The following COP1 variants were observed in gnomAD, a reference collection of about 807,000 sequenced individuals.
COP1 encodes the protein COP1 E3 ubiquitin ligase.
A neutral mutation model predicts 101.3 loss-of-function variants in COP1; 24 were observed. The ratio of observed to expected loss-of-function variants is 0.24; its 90% CI spans 0.17 to 0.33. The LOEUF (loss-of-function observed/expected upper bound fraction) is 0.33, where lower values mean the gene tolerates loss of function less well. Ranked by LOEUF, COP1 falls within the 10% of genes least tolerant of loss-of-function variation. The probability of loss-of-function intolerance (pLI) is 1.00; values close to 1 mark genes in which losing one functional copy is unlikely to be tolerated. For missense variants in COP1, 663 were observed against 906.2 expected, an observed-to-expected ratio of 0.73 and a Z score of 3.45; for synonymous variants, 347 against 341.9, an observed-to-expected ratio of 1.01 and a Z score of -0.17.
intron 15 of COP1, among the ~76,000 whole-genome samples, chr1:176,007,191 C>G (rs970943273): frequency 7.9e-5 from 12 of 152,074 alleles, no homozygotes; most frequent in African/African-American, 2.9e-4. Flanking sequence ...GTTTTCAGCT[C>G]CATCAGCTCC....
chr1:175,952,400 C>T (rs549726924), intron 18 of COP1, among the ~76,000 whole-genome samples: 3 of 132,248 alleles, frequency 2.3e-5, no homozygotes, highest in South Asian at 2.5e-4. Flanking sequence ...CCATCCTGGG[C>T]GACAAGAGCA....
At chr1:176,141,402 G>A (rs1281555181) in intron 6 of COP1, among the ~76,000 whole-genome samples, 1 of 152,150 alleles carries the variant, frequency 6.6e-6, no homozygotes, top group Non-Finnish European at 1.5e-5. Context: ...TTGGGAGGGT[G>A]AGGCAGGAGA....
chr1:176,020,286 G>A (rs543109228), intron 15 of COP1, among the ~76,000 whole-genome samples: 1 of 150,136 alleles, frequency 6.7e-6, no homozygotes, highest in East Asian at 2.0e-4. Context: ...CCTCCAGCCT[G>A]GGCGACAAAG....
intron 15 of COP1, among the ~76,000 whole-genome samples, chr1:176,006,326 T>C (rs1295003263): frequency 5.3e-5 from 8 of 152,230 alleles, no homozygotes; most frequent in Admixed American, 4.6e-4. Flanking sequence ...TGTCTTTTCA[T>C]TGGAGCATTT....
At chr1:176,169,241 G>A (rs1695661422) in intron 3 of COP1, among the ~76,000 whole-genome samples, 1 of 152,132 alleles carries the variant, frequency 6.6e-6, no homozygotes, top group Admixed American at 6.5e-5. Flanking sequence ...ACTACTTGGG[G>A]AGAAGGATAC....
chr1:176,137,282 T>G (rs1572460428), intron 6 of COP1, among the ~76,000 whole-genome samples: 2 of 152,202 alleles, frequency 1.3e-5, no homozygotes, highest in Non-Finnish European at 2.9e-5. Flanking sequence ...ATTCCCTTTC[T>G]CATTAGAGAT....
intron 9 of COP1, among the ~76,000 whole-genome samples, chr1:176,109,091 A>C (rs972606179): frequency 1.3e-5 from 2 of 152,130 alleles, no homozygotes; most frequent in African/African-American, 2.4e-5. Flanking sequence ...CAGCCTGGCG[A>C]CAGAGTGAGA....
intron 6 of COP1, among the ~76,000 whole-genome samples, chr1:176,139,082 C>CA (rs1433621464): frequency 6.6e-6 from 1 of 151,224 alleles, no homozygotes; most frequent in African/African-American, 2.4e-5. Flanking sequence ...AAATGAAAAA[C>CA]AAAAAACAAA....
chr1:176,108,915 C>A (rs1684803860), intron 9 of COP1, among the ~76,000 whole-genome samples: 1 of 151,934 alleles, frequency 6.6e-6, no homozygotes, highest in Non-Finnish European at 1.5e-5. Context: ...AGATCGAAAC[C>A]ATCCTGTCCA....
At chr1:176,102,723 G>A (rs949274934) in intron 9 of COP1, among the ~76,000 whole-genome samples, 2 of 152,126 alleles carry the variant, frequency 1.3e-5, no homozygotes, top group African/African-American at 4.8e-5. Flanking sequence ...CATGCAGCTG[G>A]AGGCCACAAG....
chr1:176,109,858 C>G (rs1684976908), intron 9 of COP1, among the ~76,000 whole-genome samples: 1 of 151,874 alleles, frequency 6.6e-6, no homozygotes. Context: ...TCTATATTTA[C>G]CATCTAGTGA....
At chr1:176,046,964 A>AAATG (rs1461093788) in intron 11 of COP1, among the ~76,000 whole-genome samples, 2 of 152,090 alleles carry the variant, frequency 1.3e-5, no homozygotes, top group African/African-American at 4.8e-5. Context: ...ATAAATAAAT[A>AAATG]AATAATCTCC....
intron 17 of COP1, among the ~76,000 whole-genome samples, 177 bp downstream of exon 17, chr1:175,988,111 T>C (rs1392155699): frequency 1.3e-5 from 2 of 152,198 alleles, no homozygotes; most frequent in African/African-American, 2.4e-5. Flanking sequence ...AGGGAAGGAC[T>C]AATGCTCTTC....
chr1:176,070,446 G>A (rs1267822143), intron 11 of COP1, among the ~76,000 whole-genome samples: 152 of 151,396 alleles, frequency 1.0e-3, no homozygotes, highest in Non-Finnish European at 4.4e-5. Context: ...GTGGATCCCT[G>A]AGGTCAGGAG....
chr1:176,165,204 T>G (rs1305179881), intron 3 of COP1, among the ~76,000 whole-genome samples: 1 of 152,072 alleles, frequency 6.6e-6, no homozygotes, highest in Non-Finnish European at 1.5e-5. Flanking sequence ...TAAAATAGAT[T>G]TACAAAGTAT....
chr1:176,104,197 A>C (rs1181246122), intron 9 of COP1, among the ~76,000 whole-genome samples: 1 of 152,208 alleles, frequency 6.6e-6, no homozygotes, highest in Admixed American at 6.5e-5. Flanking sequence ...AACTCCAAAT[A>C]GATTGAGAAT....
chr1:176,147,556 C>A (rs1392422562), intron 6 of COP1, among the ~76,000 whole-genome samples: 1 of 152,024 alleles, frequency 6.6e-6, no homozygotes, highest in African/African-American at 2.4e-5. Context: ...TCTTGGTTAA[C>A]CCACCTACTA....
chr1:176,114,203 T>C (rs1332747366), intron 9 of COP1, among the ~76,000 whole-genome samples: 2 of 152,178 alleles, frequency 1.3e-5, no homozygotes, highest in African/African-American at 2.4e-5. Flanking sequence ...CTTTAAATTT[T>C]CTCCTAATGT....
intron 6 of COP1, among the ~76,000 whole-genome samples, chr1:176,141,785 C>A (rs1690728687): frequency 6.6e-6 from 1 of 151,084 alleles, no homozygotes; most frequent in Non-Finnish European, 1.5e-5. Flanking sequence ...GGCTGGAGTG[C>A]AGTGGCACAA....
Sources: gnomAD v4.1 joint callset for allele counts (sites outside exome capture counted in the v4.1 genomes callset) on GRCh38, gnomAD v4.1.1 for gene constraint, MANE v1.5 for transcripts, NCBI Gene and HGNC (gene_info 2026-07-23, HGNC 2026-07-21) for gene names.